Variants in GABBR2 observed in about 807,000 individuals in gnomAD.
GABBR2 encodes G-protein coupled receptor 51.
Under a neutral mutation model 105.6 loss-of-function variants are expected in GABBR2, and 23 were observed. The ratio of observed to expected loss-of-function variants is 0.22; its 90% CI spans 0.16 to 0.31. The LOEUF is 0.31. GABBR2 is among the 10% of genes least tolerant of loss of function. The pLI is 1.00. For missense variants in GABBR2, 734 were observed against 1,245.5 expected, an observed-to-expected ratio of 0.59 and a Z score of 6.18; for synonymous variants, 478 against 499.7, an observed-to-expected ratio of 0.96 and a Z score of 0.58.
At chr9:98,596,046 G>A (rs1237850362) in intron 1 of GABBR2, among the ~76,000 whole-genome samples, 1 of 152,228 alleles carries the variant, frequency 6.6e-6, no homozygotes, top group Non-Finnish European at 1.5e-5. Context: ...AGCACCCTCT[G>A]TTGGGGAAGG....
chr9:98,569,003 C>T (rs1359032423), intron 2 of GABBR2, among the ~76,000 whole-genome samples: 2 of 151,978 alleles, frequency 1.3e-5, no homozygotes, highest in Non-Finnish European at 2.9e-5. Flanking sequence ...TTCTCCTCTT[C>T]CCTTTCTTCT....
chr9:98,337,942 A>C (rs1411238584), intron 13 of GABBR2, among the ~76,000 whole-genome samples: 1 of 152,152 alleles, frequency 6.6e-6, no homozygotes, highest in African/African-American at 2.4e-5. Flanking sequence ...GAATTGCTTG[A>C]ACCTGGGAGG....
intron 1 of GABBR2, among the ~76,000 whole-genome samples, chr9:98,663,636 G>T (rs543717021): frequency 6.8e-6 from 1 of 146,982 alleles, no homozygotes; most frequent in Non-Finnish European, 1.5e-5. Flanking sequence ...ATGATCAGGA[G>T]GCTGAAAGCA....
chr9:98,694,273 T>C (rs971940959), intron 1 of GABBR2, among the ~76,000 whole-genome samples: 2 of 152,148 alleles, frequency 1.3e-5, no homozygotes, highest in Non-Finnish European at 2.9e-5. Context: ...GGATCCCAAA[T>C]TGATGCTTAC....
chr9:98,556,315 C>T (rs577155869), intron 2 of GABBR2, among the ~76,000 whole-genome samples: 100 of 152,218 alleles, frequency 6.6e-4, no homozygotes, highest in African/African-American at 2.3e-3. Context: ...AGTCACTGGG[C>T]ACCTCACAGC....
At chr9:98,403,364 C>T (rs998425518) in intron 8 of GABBR2, among the ~76,000 whole-genome samples, 11 of 149,098 alleles carry the variant, frequency 7.4e-5, no homozygotes, top group African/African-American at 2.7e-4. Flanking sequence ...CAGCTGTGAC[C>T]CTCAAGAAAA....
At chr9:98,674,437 G>T (rs1186101230) in intron 1 of GABBR2, among the ~76,000 whole-genome samples, 1 of 89,752 alleles carries the variant, frequency 1.1e-5, no homozygotes, top group East Asian at 2.8e-4. Flanking sequence ...CTGGTCTAGG[G>T]GCCCTGAGTG....
intron 17 of GABBR2, among the ~76,000 whole-genome samples, chr9:98,294,999 G>A: frequency 6.6e-6 from 1 of 152,126 alleles, no homozygotes; most frequent in East Asian, 1.9e-4. Context: ...GGATTCATGT[G>A]GTCTGGAGGG....
chr9:98,450,845 G>A (rs1826217722), intron 7 of GABBR2, among the ~76,000 whole-genome samples: 1 of 152,160 alleles, frequency 6.6e-6, no homozygotes, highest in Non-Finnish European at 1.5e-5. Flanking sequence ...TAAGGATTAT[G>A]TATTATTTGG....
chr9:98,700,104 C>A (rs543132232), intron 1 of GABBR2, among the ~76,000 whole-genome samples: 1 of 152,148 alleles, frequency 6.6e-6, no homozygotes, highest in African/African-American at 2.4e-5. Flanking sequence ...GGCTATACCA[C>A]GTGTAATTGT....
intron 1 of GABBR2, among the ~76,000 whole-genome samples, chr9:98,594,991 C>T (rs1478850078): frequency 6.6e-6 from 1 of 152,166 alleles, no homozygotes; most frequent in East Asian, 1.9e-4. Context: ...AGGGAGCTCA[C>T]GTGCCAGCGG....
At chr9:98,670,572 A>C (rs1830395056) in intron 1 of GABBR2, among the ~76,000 whole-genome samples, 1 of 152,262 alleles carries the variant, frequency 6.6e-6, no homozygotes, top group African/African-American at 2.4e-5. Context: ...TGAAATGTGG[A>C]AGCAGCTCAC....
At chr9:98,423,761 C>T (rs1436793205) in intron 7 of GABBR2, among the ~76,000 whole-genome samples, 1 of 152,128 alleles carries the variant, frequency 6.6e-6, no homozygotes, top group Non-Finnish European at 1.5e-5. Flanking sequence ...AGTCTTTAAT[C>T]CATCTTGAAT....
intron 3 of GABBR2, among the ~76,000 whole-genome samples, chr9:98,523,136 G>A (rs1381922678): frequency 7.9e-5 from 12 of 152,068 alleles, no homozygotes; most frequent in African/African-American, 2.2e-4. Context: ...GCTTAACTAC[G>A]CTTAATAGCA....
At chr9:98,495,086 G>A (rs1253620854) in intron 4 of GABBR2, among the ~76,000 whole-genome samples, 1 of 152,146 alleles carries the variant, frequency 6.6e-6, no homozygotes, top group Non-Finnish European at 1.5e-5. Context: ...TGACACTGCA[G>A]GGGGGAGACC....
At chr9:98,385,499 A>AT in intron 11 of GABBR2, 141 bp downstream of exon 11, 1 of 678,108 alleles carries the variant, frequency 1.5e-6, no homozygotes. Flanking sequence ...TTCCCTGTTG[A>AT]GTTGAAAACT....
At chr9:98,343,411 G>C (rs1234895522) in intron 13 of GABBR2, among the ~76,000 whole-genome samples, 1 of 152,140 alleles carries the variant, frequency 6.6e-6, no homozygotes, top group East Asian at 1.9e-4. Context: ...TCCATTTCAA[G>C]ACCATTTTGG....
chr9:98,643,552 G>A (rs531491395), intron 1 of GABBR2, among the ~76,000 whole-genome samples: 14 of 152,314 alleles, frequency 9.2e-5, no homozygotes, highest in African/African-American at 3.1e-4. Context: ...GTCTGTTTCT[G>A]TGTCTGCTTT....
At chr9:98,636,182 G>A (rs931517624) in intron 1 of GABBR2, among the ~76,000 whole-genome samples, 2 of 152,068 alleles carry the variant, frequency 1.3e-5, no homozygotes, top group African/African-American at 2.4e-5. Context: ...AATGCACTGG[G>A]GAAAGAAAAC....
Sources: gnomAD v4.1 joint callset for allele counts (sites outside exome capture counted in the v4.1 genomes callset) on GRCh38, gnomAD v4.1.1 for gene constraint, MANE v1.5 for transcripts, NCBI Gene and HGNC (gene_info 2026-07-23, HGNC 2026-07-21) for gene names.